The following INSL6 variants were observed in gnomAD, a reference collection of about 807,000 sequenced individuals.
INSL6 encodes insulin like 6.
In INSL6, 16 loss-of-function variants were observed where a neutral mutation model predicts 9.4. The observed-to-expected ratio is 1.70, with a 90% CI of 1.15 to 2.59. The LOEUF (loss-of-function observed/expected upper bound fraction) is 2.59, where lower values mean the gene tolerates loss of function less well. Among genes scored for constraint, INSL6 ranks in the 30% most tolerant of loss-of-function variants. The probability of loss-of-function intolerance (pLI) is 0.00; values close to 1 mark genes in which losing one functional copy is unlikely to be tolerated. For synonymous variants in INSL6, 154 were observed against 96.9 expected, an observed-to-expected ratio of 1.59 and a Z score of -3.46; for missense variants, 391 against 257.3, an observed-to-expected ratio of 1.52 and a Z score of -3.56.
At chr9:4,996,465 A>G in the INSL6 span, among the ~76,000 whole-genome samples, 1 of 152,066 alleles carries the variant, frequency 6.6e-6, no homozygotes, top group Non-Finnish European at 1.5e-5. Context: ...TAAATAAATA[A>G]ATAAATAAAA....
At chr9:5,111,872 C>G in the INSL6 span, 1 of 378,198 alleles carries the variant, frequency 2.6e-6, no homozygotes, top group Non-Finnish European at 5.2e-6. Flanking sequence ...TCCCGAGGGA[C>G]CACAGCCAGC....
the INSL6 span, chr9:5,069,343 G>T: frequency 1.8e-6 from 1 of 570,008 alleles, no homozygotes; most frequent in Non-Finnish European, 3.0e-6. Context: ...TTATTCTATT[G>T]TACAAGCATC....
At position 5,164,075 on chromosome 9, in the gene INSL6, A is replaced by G; in HGVS notation, c.480T>C (p.Asn160=). 1 of 1,613,706 alleles carries G rather than the reference A, an allele frequency of 6.2e-7. No homozygotes were observed. The highest frequency in any genetic ancestry group is 8.5e-7 in the Non-Finnish European group (1 of 1,179,852). ...KRRNKIKTLS[N]LFWGHHPQRK... ...TTTGGGGATGATGCCCCCAAAACAA[A>G]TTGCTTAAGGTTTTAATTTTGTTTC... Residue 160 remains asparagine, a synonymous_variant, in exon 2 of 2, where the codon AAT becomes AAC. Coordinates refer to ENST00000381641, the MANE Select transcript of INSL6 (RefSeq NM_007179.3).
the INSL6 span, among the ~76,000 whole-genome samples, chr9:5,052,708 C>T: frequency 3.9e-5 from 6 of 152,162 alleles, no homozygotes; most frequent in South Asian, 1.2e-3. Context: ...ATTTTCCTGT[C>T]TCAAACATTT....
the INSL6 span, chr9:5,112,168 G>A: frequency 7.3e-6 from 2 of 272,366 alleles, no homozygotes; most frequent in Non-Finnish European, 7.4e-6. Flanking sequence ...GCTGCTACCC[G>A]GCCACCGGGC....
intron 1 of INSL6, among the ~76,000 whole-genome samples, chr9:5,180,881 G>T (rs1040190347): frequency 6.6e-6 from 1 of 151,988 alleles, no homozygotes; most frequent in Non-Finnish European, 1.5e-5. Context: ...TAGTAGTTCT[G>T]CTCTTTGCAC....
At chr9:5,130,142 A>T (rs947973287) in intron 3 of INSL6, among the ~76,000 whole-genome samples, 3 of 152,170 alleles carry the variant, frequency 2.0e-5, no homozygotes, top group Non-Finnish European at 4.4e-5. Flanking sequence ...TTACATAGCA[A>T]ATTGCTTAAC....
At chr9:5,037,024 C>G in the INSL6 span, among the ~76,000 whole-genome samples, 8 of 152,180 alleles carry the variant, frequency 5.3e-5, no homozygotes, top group African/African-American at 1.9e-4. Flanking sequence ...AAGAAAACAA[C>G]AACCCCATCA....
At chr9:5,164,710 A>C (rs1383061186) in intron 1 of INSL6, among the ~76,000 whole-genome samples, 4 of 152,188 alleles carry the variant, frequency 2.6e-5, no homozygotes, top group Non-Finnish European at 5.9e-5. Flanking sequence ...TATTCCGTAT[A>C]TTTCATATAA....
chr9:5,146,116 G>C (rs1334583946), intron 2 of INSL6, among the ~76,000 whole-genome samples: 1 of 151,898 alleles, frequency 6.6e-6, no homozygotes, highest in African/African-American at 2.4e-5. Context: ...TTAACCTTTG[G>C]GTTTTTTTTT....
At chr9:5,009,152 A>T in the INSL6 span, among the ~76,000 whole-genome samples, 4 of 152,234 alleles carry the variant, frequency 2.6e-5, no homozygotes, top group Non-Finnish European at 5.9e-5. Context: ...CACAAATCTT[A>T]AAATAACTGG....
chr9:5,079,733 TC>T, the INSL6 span, among the ~76,000 whole-genome samples: 1 of 152,040 alleles, frequency 6.6e-6, no homozygotes, highest in South Asian at 2.1e-4. Context: ...CTTGGGTGGA[TC>T]ACTTAAGCCC....
intron 2 of INSL6, among the ~76,000 whole-genome samples, chr9:5,150,948 G>A (rs1824701417): frequency 2.0e-5 from 3 of 151,948 alleles, no homozygotes; most frequent in African/African-American, 2.4e-5. Context: ...TGGAACTGGA[G>A]GCTATTATCT....
chr9:5,159,061 T>C (rs186203958), downstream of INSL6, among the ~76,000 whole-genome samples: 4 of 152,288 alleles, frequency 2.6e-5, no homozygotes, highest in East Asian at 1.9e-4. Flanking sequence ...CAGTATTACA[T>C]TGTCATTACT....
chr9:5,041,724 G>T, the INSL6 span: 1 of 498,568 alleles, frequency 2.0e-6, no homozygotes, highest in East Asian at 5.6e-5. Context: ...CGAGGGGCTC[G>T]GGAAGCCCTT....
At chr9:5,177,868 C>CT (rs1351899824) in intron 1 of INSL6, among the ~76,000 whole-genome samples, 9 of 152,026 alleles carry the variant, frequency 5.9e-5, no homozygotes, top group Admixed American at 6.5e-5. Context: ...CAGACTGCTT[C>CT]TTTCTTTTTC....
chr9:5,145,935 C>A (rs1824594277), intron 2 of INSL6, among the ~76,000 whole-genome samples: 1 of 152,142 alleles, frequency 6.6e-6, no homozygotes, highest in Non-Finnish European at 1.5e-5. Context: ...ATTCTGAATT[C>A]TACTTCTGTC....
the INSL6 span, among the ~76,000 whole-genome samples, chr9:5,009,874 C>T: frequency 6.6e-6 from 1 of 151,818 alleles, no homozygotes; most frequent in Non-Finnish European, 1.5e-5. Context: ...AAGCTTAAGC[C>T]GTCCTCCCAT....
At position 5,164,043 on chromosome 9, in the gene INSL6, C is replaced by T. The variant is rs1322949204; in HGVS notation, c.512G>A (p.Arg171His). Residue 171 changes from arginine to histidine, a missense_variant, in exon 2 of 2, where the codon CGC becomes CAC. By Grantham distance (29) the Arg-to-His change is conservative (BLOSUM62 0). Coordinates refer to ENST00000381641, the MANE Select transcript of INSL6 (RefSeq NM_007179.3). ...LFWGHHPQRKRRGYSEKCCLT... is the reference protein window; with the variant it reads ...LFWGHHPQRKHRGYSEKCCLT... ...ACAACACTTTTCTGAATATCCTCTG[C>T]GTTTTCTTTGGGGATGATGCCCCCA... The T allele has an allele frequency of 5.6e-6, 9 of 1,613,444 alleles. No individual in the cohort carries two copies. The Admixed American group carries it at 1.0e-4, about 18-fold the overall frequency.
Sources: gnomAD v4.1 joint callset for allele counts (sites outside exome capture counted in the v4.1 genomes callset) on GRCh38, gnomAD v4.1.1 for gene constraint, MANE v1.5 for transcripts, NCBI Gene and HGNC (gene_info 2026-07-23, HGNC 2026-07-21) for gene names.